Variants in ROBO2 observed in about 807,000 individuals in gnomAD.
The protein encoded by ROBO2 is roundabout guidance receptor 2.
A neutral mutation model predicts 160.8 loss-of-function variants in ROBO2; 53 were observed. The ratio of observed to expected loss-of-function variants is 0.33; its 90% CI spans 0.26 to 0.41. The LOEUF is 0.41. ROBO2 is among the 10% of genes least tolerant of loss of function. The pLI, the probability that ROBO2 is intolerant of heterozygous loss-of-function variation, is 1.00. For missense variants in ROBO2, 1,577 were observed against 1,722.4 expected (o/e 0.92, Z 1.49); for synonymous variants, 664 against 611.7 (o/e 1.09, Z -1.26).
intron 2 of ROBO2, among the ~76,000 whole-genome samples, chr3:77,164,903 C>A (rs865973752): frequency 1.1e-5 from 1 of 90,846 alleles, no homozygotes; most frequent in African/African-American, 3.8e-5. Flanking sequence ...GTCAGCCCCC[C>A]GCCCGGCCAG....
At chr3:77,062,242 A>G (rs190209478) in intron 1 of ROBO2, among the ~76,000 whole-genome samples, 191 of 152,080 alleles carry the variant, frequency 1.3e-3, no homozygotes, top group Middle Eastern at 6.8e-3. Flanking sequence ...GGAGTCTTAG[A>G]CTCTCTGGAT....
At chr3:77,317,368 G>A in intron 2 of ROBO2, 3 of 934,648 alleles carry the variant, frequency 3.2e-6, no homozygotes, top group Non-Finnish European at 5.1e-6. Context: ...TCGGTGCCTA[G>A]TGTATTGTCG....
At chr3:76,891,839 A>AT (rs2074367141) in intron 2 of ROBO2, among the ~76,000 whole-genome samples, 2 of 152,138 alleles carry the variant, frequency 1.3e-5, no homozygotes, top group South Asian at 4.1e-4. Context: ...AGAAATAGCA[A>AT]TTTTAGTTTT....
At chr3:76,755,681 A>T (rs1015074997) in intron 2 of ROBO2, among the ~76,000 whole-genome samples, 6 of 151,954 alleles carry the variant, frequency 3.9e-5, no homozygotes, top group African/African-American at 1.2e-4. Context: ...TTTGTACATA[A>T]AGCATTTATA....
intron 2 of ROBO2, among the ~76,000 whole-genome samples, chr3:76,249,638 G>A (rs192809717): frequency 5.3e-5 from 8 of 152,196 alleles, no homozygotes; most frequent in Non-Finnish European, 1.0e-4. Context: ...TTTGATGAGC[G>A]TGGTCACAGT....
At chr3:75,932,513 A>G (rs756313233) in intron 1 of ROBO2, among the ~76,000 whole-genome samples, 2 of 152,226 alleles carry the variant, frequency 1.3e-5, no homozygotes, top group Non-Finnish European at 2.9e-5. Flanking sequence ...AAGTTGTGAT[A>G]CAACATTTCC....
At chr3:77,534,930 G>T (rs2091993939) in intron 6 of ROBO2, among the ~76,000 whole-genome samples, 1 of 152,150 alleles carries the variant, frequency 6.6e-6, no homozygotes, top group African/African-American at 2.4e-5. Context: ...TACATAGGTA[G>T]TACTTGCCTA....
At chr3:76,463,936 T>C (rs1048812090) in intron 2 of ROBO2, among the ~76,000 whole-genome samples, 6 of 152,198 alleles carry the variant, frequency 3.9e-5, no homozygotes, top group African/African-American at 1.4e-4. Context: ...AGCTGTTTGT[T>C]AATCCTTTAA....
At chr3:76,483,798 A>G (rs2079340269) in intron 2 of ROBO2, among the ~76,000 whole-genome samples, 1 of 152,088 alleles carries the variant, frequency 6.6e-6, no homozygotes, top group Non-Finnish European at 1.5e-5. Context: ...TCCCAGTTAT[A>G]ACTGAGAACA....
chr3:77,419,195 A>G (rs765587308), intron 2 of ROBO2, among the ~76,000 whole-genome samples: 2 of 152,088 alleles, frequency 1.3e-5, no homozygotes, highest in Non-Finnish European at 2.9e-5. Flanking sequence ...GTAATGTCCT[A>G]TCATAGAAAA....
intron 1 of ROBO2, among the ~76,000 whole-genome samples, chr3:77,049,336 C>T (rs191953478): frequency 7.2e-5 from 11 of 152,250 alleles, no homozygotes; most frequent in Admixed American, 5.9e-4. Context: ...CACACACACA[C>T]TCACACAAAT....
rs1289355726 is a variant in ROBO2 at position 77,237,494 on chromosome 3, A to G, written c.388+139154A>G. Among the ~76,000 whole-genome samples the G allele has an allele frequency of 2.7e-5, 4 of 146,114 alleles. No individual in the cohort carries two copies. The East Asian group carries it at 6.0e-4, about 22-fold the overall frequency. ...TGCCCAAGCTGATCTTGAACTCGTGATCTCCAATGATCCTCCCACCTTGGG... is the reference window on the plus strand; with the variant it reads ...TGCCCAAGCTGATCTTGAACTCGTGGTCTCCAATGATCCTCCCACCTTGGG... On this transcript the variant is annotated intron_variant, in intron 2 of 25. Coordinates refer to ENST00000461745, the Ensembl canonical transcript of ROBO2.
intron 2 of ROBO2, among the ~76,000 whole-genome samples, chr3:76,525,624 T>G (rs1013152530): frequency 6.6e-6 from 1 of 151,980 alleles, no homozygotes; most frequent in Non-Finnish European, 1.5e-5. Flanking sequence ...TGCTGTTACA[T>G]TAGGAACGCA....
At chr3:76,148,646 T>A (rs993942070) in intron 2 of ROBO2, among the ~76,000 whole-genome samples, 4 of 152,074 alleles carry the variant, frequency 2.6e-5, no homozygotes, top group African/African-American at 7.2e-5. Flanking sequence ...CAGTGTTTGA[T>A]TCTCAGCCTG....
chr3:76,995,783 C>T (rs1416141451), intron 2 of ROBO2, among the ~76,000 whole-genome samples: 2 of 152,146 alleles, frequency 1.3e-5, no homozygotes, highest in African/African-American at 4.8e-5. Context: ...CGTTTGCCCA[C>T]TTTTTGATGG....
chr3:76,882,702 C>T (rs982037900), intron 2 of ROBO2, among the ~76,000 whole-genome samples: 26 of 152,182 alleles, frequency 1.7e-4, no homozygotes, highest in African/African-American at 4.8e-4. Flanking sequence ...CAGAATCTTA[C>T]GGGGAAAACA....
intron 2 of ROBO2, among the ~76,000 whole-genome samples, chr3:77,325,918 G>A (rs1425452390): frequency 6.6e-6 from 1 of 152,102 alleles, no homozygotes; most frequent in Non-Finnish European, 1.5e-5. Context: ...CAAGATCCGT[G>A]CTTTCACCTT....
intron 2 of ROBO2, among the ~76,000 whole-genome samples, chr3:77,400,453 A>G (rs55840298): frequency 0.24 from 37,102 of 152,070 alleles, 5,001 homozygotes; most frequent in African/African-American, 0.35. Context: ...TTTTAAAGTA[A>G]ATCAGACATT....
At chr3:76,498,306 G>A (rs2080265292) in intron 2 of ROBO2, among the ~76,000 whole-genome samples, 2 of 152,096 alleles carry the variant, frequency 1.3e-5, no homozygotes, top group African/African-American at 4.8e-5. Flanking sequence ...GGCGCAGTAG[G>A]GTGTGGGGTT....
Sources: gnomAD v4.1 joint callset for allele counts (sites outside exome capture counted in the v4.1 genomes callset) on GRCh38, gnomAD v4.1.1 for gene constraint, MANE v1.5 for transcripts, NCBI Gene and HGNC (gene_info 2026-07-23, HGNC 2026-07-21) for gene names.